Variants in GLRA2 observed in about 807,000 individuals in gnomAD.
The protein encoded by GLRA2 is glycine receptor subunit alpha-2.
A neutral mutation model predicts 31.6 loss-of-function variants in GLRA2; 11 were observed. The ratio of observed to expected loss-of-function variants is 0.35; its 90% CI spans 0.22 to 0.58. The LOEUF (loss-of-function observed/expected upper bound fraction) is 0.58, where lower values mean the gene tolerates loss of function less well. Among genes scored for constraint, GLRA2 ranks in the 20% least tolerant of loss-of-function variants. The probability of loss-of-function intolerance (pLI) is 0.84; values close to 1 mark genes in which losing one functional copy is unlikely to be tolerated. For missense variants in GLRA2, 212 were observed against 351.8 expected (o/e 0.60, Z 3.18); for synonymous variants, 132 against 134.0 (o/e 0.99, Z 0.10).
intron 7 of GLRA2, among the ~76,000 whole-genome samples, chrX:14,668,360 T>A (rs2091055255): frequency 8.9e-6 from 1 of 112,178 alleles, no homozygotes; most frequent in Non-Finnish European, 1.9e-5. Flanking sequence ...CAGCCCATAG[T>A]CAAGGGGAGC....
intron 4 of GLRA2, among the ~76,000 whole-genome samples, chrX:14,604,069 G>A (rs2090305063): frequency 9.1e-6 from 1 of 109,965 alleles, no homozygotes; most frequent in African/African-American, 3.3e-5. Context: ...GAAGGAGGGA[G>A]AATCAGAGGC....
rs1330008563 is a variant in GLRA2 at position 14,638,490 on chromosome X, A to G, written c.930+29285A>G. Among the ~76,000 whole-genome samples the G allele has an allele frequency of 2.7e-5, 3 of 111,487 alleles. No individual in the cohort carries two copies. In the East Asian group the frequency reaches 8.3e-4, roughly 31 times the overall value. On this transcript the variant is annotated intron_variant, in intron 7 of 8. Transcript: ENST00000218075. ...TTGTTATTTTTACATTAATGGTAAT[A>G]ATGAAATATTATTTTTATCCTTCCA...
the GLRA2 span, among the ~76,000 whole-genome samples, chrX:14,464,748 G>A: frequency 2.8e-4 from 31 of 110,671 alleles, no homozygotes; most frequent in South Asian, 3.9e-4. Context: ...AGTAGAGATG[G>A]GGTTTCACTT....
intron 8 of GLRA2, among the ~76,000 whole-genome samples, chrX:14,697,080 A>T (rs929554696): frequency 1.0e-5 from 1 of 98,680 alleles, no homozygotes; most frequent in African/African-American, 3.7e-5. Context: ...AAAAAGTCTG[A>T]ACCATGGTTA....
intron 2 of GLRA2, among the ~76,000 whole-genome samples, chrX:14,565,881 A>G (rs1213460563): frequency 1.8e-5 from 2 of 111,704 alleles, no homozygotes; most frequent in Non-Finnish European, 3.8e-5. Flanking sequence ...AAGAAGAACA[A>G]TCTCAAATCA....
At position 14,622,999 on chromosome X, in the gene GLRA2, T is replaced by C. The variant is rs571864942; in HGVS notation, c.930+13794T>C. On this transcript the variant is annotated intron_variant, in intron 7 of 8. Transcript: ENST00000218075. Reference sequence around the variant, plus strand: ...TCCATGAGCATGGAATGTTCTTCTATTTGTTTGTGTCCTCTTTTATTTCGT... The same window carrying C: ...TCCATGAGCATGGAATGTTCTTCTACTTGTTTGTGTCCTCTTTTATTTCGT... Among the ~76,000 whole-genome samples, 17 of 111,923 alleles carry C rather than the reference T, an allele frequency of 1.5e-4. No homozygotes were observed. The East Asian group carries it at 3.1e-3, about 20-fold the overall frequency.
intron 8 of GLRA2, among the ~76,000 whole-genome samples, chrX:14,729,684 C>T (rs1456175606): frequency 1.8e-5 from 2 of 111,065 alleles, no homozygotes; most frequent in African/African-American, 6.5e-5. Context: ...ATATAAGGGG[C>T]TCACCTTAGA....
At chrX:14,570,732 TAATC>T (rs1222153590) in intron 2 of GLRA2, among the ~76,000 whole-genome samples, 1 of 111,838 alleles carries the variant, frequency 8.9e-6, no homozygotes. Flanking sequence ...TAATGGATAA[TAATC>T]AATAATTTAT....
chrX:14,607,380 C>A, intron 6 of GLRA2, 112 bp downstream of exon 6: 1 of 629,038 alleles, frequency 1.6e-6, no homozygotes, highest in Non-Finnish European at 2.4e-6. Flanking sequence ...GGCAAATAGA[C>A]CTATGTCGCA....
intron 7 of GLRA2, among the ~76,000 whole-genome samples, chrX:14,681,910 A>AATATATATATATATATATATGT: frequency 2.4e-5 from 1 of 41,280 alleles, no homozygotes; most frequent in African/African-American, 1.2e-4. Flanking sequence ...AAAAAAAAAA[A>AATATATATATATATATATATGT]ATATATATAT....
the GLRA2 span, among the ~76,000 whole-genome samples, chrX:14,503,016 G>T: frequency 2.7e-5 from 3 of 111,026 alleles, no homozygotes; most frequent in Non-Finnish European, 5.7e-5. Context: ...CATATTGAGA[G>T]ACTAAAATTT....
the GLRA2 span, among the ~76,000 whole-genome samples, chrX:14,476,756 TG>T: frequency 2.7e-5 from 3 of 112,349 alleles, no homozygotes; most frequent in South Asian, 1.1e-3. Flanking sequence ...GTTGTTATAT[TG>T]GCTTCTTTCC....
chrX:14,625,031 C>T (rs1371372547), intron 7 of GLRA2, among the ~76,000 whole-genome samples: 1 of 111,830 alleles, frequency 8.9e-6, no homozygotes, highest in Non-Finnish European at 1.9e-5. Flanking sequence ...AATCTTTGTG[C>T]TCCTGTATTG....
chrX:14,528,788 C>T (rs967176058), upstream of GLRA2, among the ~76,000 whole-genome samples: 1 of 111,500 alleles, frequency 9.0e-6, no homozygotes, highest in Non-Finnish European at 1.9e-5. Flanking sequence ...CTGCTCTAAC[C>T]TTTAACCATG....
the GLRA2 span, among the ~76,000 whole-genome samples, chrX:14,465,548 A>C: frequency 8.9e-6 from 1 of 112,291 alleles, no homozygotes. Flanking sequence ...GCCTTGGGCA[A>C]AGCATAATTT....
chrX:14,573,321 C>T (rs780074355), intron 2 of GLRA2, among the ~76,000 whole-genome samples: 6 of 111,585 alleles, frequency 5.4e-5, no homozygotes, highest in African/African-American at 1.6e-4. Context: ...TCACTGCCTT[C>T]GAGGGAGGCC....
At chrX:14,551,696 A>T (rs1297979852) in intron 2 of GLRA2, among the ~76,000 whole-genome samples, 1 of 111,988 alleles carries the variant, frequency 8.9e-6, no homozygotes, top group East Asian at 2.8e-4. Context: ...ATGAGATTTT[A>T]TCTAGTCCTA....
rs186779897 is a variant in GLRA2 at position 14,574,650 on chromosome X, G to C, written c.270+250G>C. ...GGCATATTTGTGAGACATTTACTGA[G>C]TGCCAATTTCCAACTTTGCTCGCCT... On this transcript the variant is annotated intron_variant, in intron 3 of 8. Coordinates refer to ENST00000218075, the MANE Select transcript of GLRA2 (RefSeq NM_002063.4). 16 of 673,715 alleles carry C rather than the reference G, an allele frequency of 2.4e-5. No homozygotes were observed. The Admixed American group carries it at 4.0e-4, about 17-fold the overall frequency. 55.5% of individuals were successfully genotyped at this position (673,715 alleles called of 1,213,427 possible).
intron 7 of GLRA2, among the ~76,000 whole-genome samples, chrX:14,688,541 G>A (rs923345496): frequency 5.4e-5 from 6 of 111,331 alleles, no homozygotes; most frequent in African/African-American, 9.8e-5. Context: ...CTTGCAGTTC[G>A]ATCTCAGATT....
Sources: gnomAD v4.1 joint callset for allele counts (sites outside exome capture counted in the v4.1 genomes callset) on GRCh38, gnomAD v4.1.1 for gene constraint, MANE v1.5 for transcripts, NCBI Gene and HGNC (gene_info 2026-07-23, HGNC 2026-07-21) for gene names.